VCP: variants seen among roughly 807,000 people sequenced by gnomAD.
VCP encodes transitional endoplasmic reticulum ATPase.
In VCP, 6 loss-of-function variants were observed where a neutral mutation model predicts 85.7. The observed-to-expected ratio is 0.07, with a 90% CI of 0.04 to 0.14. The LOEUF (loss-of-function observed/expected upper bound fraction) is 0.14, where lower values mean the gene tolerates loss of function less well. VCP is among the 10% of genes least tolerant of loss of function. The pLI is 1.00. For synonymous variants in VCP, 384 were observed against 367.1 expected (o/e 1.05, Z -0.53); for missense variants, 353 against 1,043.4 (o/e 0.34, Z 9.12).
intron 1 of VCP, among the ~76,000 whole-genome samples, 161 bp from the exon 2 acceptor site, chr9:35,068,523 A>C (rs1470041132): frequency 2.0e-5 from 3 of 152,220 alleles, no homozygotes; most frequent in African/African-American, 7.2e-5. Flanking sequence ...AGCAGTATCT[A>C]CCATACATAT....
At chr9:35,064,879 C>T (rs1031854078) in intron 5 of VCP, among the ~76,000 whole-genome samples, 3 of 152,090 alleles carry the variant, frequency 2.0e-5, no homozygotes, top group South Asian at 4.2e-4. Flanking sequence ...CAGTCTTTTT[C>T]TTTTTTGAGA....
Position 35,072,354 on chromosome 9 carries a change from G to A in VCP, c.-1C>T, listed in dbSNP as rs1462477819. 11 of 1,481,366 alleles carry A rather than the reference G, an allele frequency of 7.4e-6. No individual in the cohort carries two copies. The East Asian group carries it at 1.7e-4, about 23-fold the overall frequency. The allele number at this position is 1,481,366 out of a possible 1,614,324, so 91.8% of individuals were successfully genotyped here. ...ACACTCACTCGGCTCCAGAAGCCAT[G>A]GCGCGCGCCTCTCCCGGCCGGCGGC... On this transcript the variant is annotated 5_prime_UTR_variant, in exon 1 of 17. Transcript: ENST00000358901.
At chr9:35,062,441 A>G in intron 7 of VCP, 91 bp from the exon 8 acceptor site, 1 of 1,593,990 alleles carries the variant, frequency 6.3e-7, no homozygotes, top group South Asian at 1.1e-5. Context: ...TGGCCCAGAG[A>G]CAGGTCCTGG....
intron 6 of VCP, among the ~76,000 whole-genome samples, 182 bp from the exon 7 acceptor site, chr9:35,063,262 G>A (rs1232278043): frequency 6.6e-6 from 1 of 152,184 alleles, no homozygotes; most frequent in Non-Finnish European, 1.5e-5. Flanking sequence ...ATTACTAGCA[G>A]GGAAAATACT....
At chr9:35,072,267 C>G (rs1474236472) in intron 1 of VCP, 70 bp downstream of exon 1, 7 of 1,481,232 alleles carry the variant, frequency 4.7e-6, no homozygotes, top group Non-Finnish European at 6.2e-6. Context: ...CCAGGCCCCG[C>G]CGGGCCTACC....
chr9:35,071,311 T>G (rs1032337009), intron 1 of VCP, among the ~76,000 whole-genome samples: 2 of 144,704 alleles, frequency 1.4e-5, no homozygotes, highest in South Asian at 2.3e-4. Flanking sequence ...TTTTTTTTTT[T>G]TTTTTTTTTT....
Position 35,061,005 on chromosome 9 carries a change from T to C in VCP, c.1359+10A>G. ...TATGTGTGTACCTGAGGCACGGGTGTGGTCCTTACCCGGAAGTCATCCATA... is the reference window on the plus strand; with the variant it reads ...TATGTGTGTACCTGAGGCACGGGTGCGGTCCTTACCCGGAAGTCATCCATA... On this transcript the variant is annotated intron_variant, in intron 11 of 16. Coordinates refer to ENST00000358901, the MANE Select transcript of VCP (RefSeq NM_007126.5). 6.2e-7 allele frequency: 1 copy of C among 1,614,132 alleles called. No individual in the cohort carries two copies. Among genetic ancestry groups the C allele is most frequent in the Non-Finnish European group, 8.5e-7 (1 of 1,180,032 alleles).
At chr9:35,067,301 G>T (rs752338174) in intron 3 of VCP, among the ~76,000 whole-genome samples, 2 of 152,212 alleles carry the variant, frequency 1.3e-5, no homozygotes, top group Non-Finnish European at 2.9e-5. Context: ...CTGGCCAGGT[G>T]ATGGTTGGTT....
intron 9 of VCP, 129 bp downstream of exon 9, chr9:35,061,874 C>G: frequency 6.5e-7 from 1 of 1,544,318 alleles, no homozygotes; most frequent in Non-Finnish European, 8.9e-7. Context: ...CTAGACAGGA[C>G]GTAGGGTAAA....
In VCP at chr9:35,060,543, G is replaced by A; in HGVS notation, c.1483-18C>T. Reference sequence around the variant, plus strand: ...ACAGGATACTAGGAGGAAAAGGAAAGAGGGTTCAAGGCTACCTCCACATTT... The same window carrying A: ...ACAGGATACTAGGAGGAAAAGGAAAAAGGGTTCAAGGCTACCTCCACATTT... On this transcript the variant is annotated intron_variant, in intron 12 of 16. Transcript: ENST00000358901. 1.2e-6 allele frequency: 2 copies of A among 1,612,426 alleles called. No individual in the cohort carries two copies. Among genetic ancestry groups the A allele is most frequent in the East Asian group, 2.2e-5 (1 of 44,882 alleles).
chr9:35,061,896 C>T, intron 9 of VCP, 107 bp downstream of exon 9: 4 of 1,590,874 alleles, frequency 2.5e-6, no homozygotes, highest in East Asian at 2.2e-5. Context: ...GAAAAAGACC[C>T]CTGGACCCAA....
At chr9:35,063,538 T>A (rs908168131) in intron 6 of VCP, among the ~76,000 whole-genome samples, 1 of 152,144 alleles carries the variant, frequency 6.6e-6, no homozygotes, top group African/African-American at 2.4e-5. Context: ...TTCCTTACAA[T>A]CATCATTTTT....
At chr9:35,057,572 C>T (rs1452179650) in intron 15 of VCP, 42 bp from the exon 16 acceptor site, 1 of 1,601,730 alleles carries the variant, frequency 6.2e-7, no homozygotes, top group Non-Finnish European at 8.5e-7. Context: ...AGTTAAAGCC[C>T]AGCCTGGATT....
rs1828609380 is a variant in VCP, at chr9:35,056,529, G to A, written c.*588C>T. On this transcript the variant is annotated 3_prime_UTR_variant, in exon 17 of 17. Coordinates refer to ENST00000358901, the MANE Select transcript of VCP (RefSeq NM_007126.5). ...GTGGGTAGCCCAAGGCTGTTCCCAG[G>A]AAAAGAAGCAGGCACAGGGCCCAGG... is the stretch of plus-strand genomic sequence containing the variant. The A allele has an allele frequency of 6.2e-6, 1 of 160,714 alleles. No individual in the cohort carries two copies. Among genetic ancestry groups the A allele is most frequent in the Admixed American group, 5.9e-5 (1 of 17,070 alleles). The allele number at this position is 160,714 out of a possible 1,614,324, so 10.0% of individuals were successfully genotyped here.
chr9:35,060,406 T>C lies in VCP; in HGVS notation c.1602A>G (p.Glu534=). 6.2e-7 allele frequency: 1 copy of C among 1,614,232 alleles called. No homozygotes were observed. The highest frequency in any genetic ancestry group is 8.5e-7 in the Non-Finnish European group (1 of 1,180,054). ...KTLLAKAIAN[E]CQANFISIKG... ...TGATGGAGATGAAGTTGGCCTGGCA[T>C]TCATTAGCAATGGCTTTGGCCAACA... Residue 534 remains glutamate, a synonymous_variant, in exon 13 of 17, where the codon GAA becomes GAG. Transcript: ENST00000358901.
rs1476836076 is a variant in VCP at position 35,072,452 on chromosome 9, C to T, written c.-99G>A. On this transcript the variant is annotated 5_prime_UTR_variant, in exon 1 of 17. Transcript: ENST00000358901. ...TGGGCCGGGGCTCGGCTCTTCCAGG[C>T]GGTGGGCGAGCAGCGGCGACAAACC... 1 of 1,357,154 alleles carries T rather than the reference C, an allele frequency of 7.4e-7. No individual in the cohort carries two copies. The highest frequency in any genetic ancestry group is 9.5e-7 in the Non-Finnish European group (1 of 1,051,724). The allele number at this position is 1,357,154 out of a possible 1,614,324, so 84.1% of individuals were successfully genotyped here.
intron 15 of VCP, 140 bp downstream of exon 15, chr9:35,058,924 C>T: frequency 8.3e-7 from 1 of 1,199,540 alleles, no homozygotes; most frequent in Non-Finnish European, 1.2e-6. Context: ...CCTCAGCATT[C>T]TTTATCTTTG....
chr9:35,059,769 A>G lies in VCP; in HGVS notation c.1728T>C (p.Phe576=). The change falls in exon 14 of 17, where the codon TTT becomes TTC. Residue 576 remains phenylalanine (F), a synonymous_variant. Transcript: ENST00000358901. The surrounding 1 kb of genome is among the most constrained non-coding windows in gnomAD (Gnocchi z 4.9). Reference sequence around the variant, plus strand: ...CCTTGGCAATCGAATCCAGCTCATCAAAGAATAGCACACAGGGGGCAGCTT... The same window carrying G: ...CCTTGGCAATCGAATCCAGCTCATCGAAGAATAGCACACAGGGGGCAGCTT... The part of the protein sequence containing the change: ...ARQAAPCVLF[F]DELDSIAKAR... 1 of 1,614,084 alleles carries G rather than the reference A, an allele frequency of 6.2e-7. No homozygotes were observed. The highest frequency in any genetic ancestry group is 8.5e-7 in the Non-Finnish European group (1 of 1,180,020).
chr9:35,066,273 TTTTTTTGAGACAGAGTC>T (rs1186760487), intron 4 of VCP, among the ~76,000 whole-genome samples: 1 of 151,308 alleles, frequency 6.6e-6, no homozygotes, highest in African/African-American at 2.4e-5. Flanking sequence ...TCTTTTTTTT[TTTTTTTGAGACAGAGTC>T]TTGCTCTGTC....
Sources: allele counts gnomAD v4.1 joint callset (sites outside exome capture counted in the v4.1 genomes callset), GRCh38; gene constraint gnomAD v4.1.1; non-coding constraint Gnocchi (gnomAD v3.1); transcripts MANE v1.5; gene names NCBI Gene and HGNC (gene_info 2026-07-23, HGNC 2026-07-21).